TRIM39: variants seen among roughly 807,000 people sequenced by gnomAD.
TRIM39 encodes E3 ubiquitin-protein ligase TRIM39.
In TRIM39, 5 loss-of-function variants were observed where a neutral mutation model predicts 53.6. That is an observed-to-expected ratio of 0.09 (90% confidence interval 0.05 to 0.20). The LOEUF (loss-of-function observed/expected upper bound fraction) is 0.20, where lower values mean the gene tolerates loss of function less well. TRIM39 is among the 10% of genes least tolerant of loss of function. TRIM39 has a pLI of 1.00. For missense variants in TRIM39, 310 were observed against 621.0 expected (o/e 0.50, Z 5.32); for synonymous variants, 196 against 237.6 (o/e 0.82, Z 1.61).
chr6:30,331,748 C>G (rs1232881253), intron 4 of TRIM39, among the ~76,000 whole-genome samples: 1 of 152,222 alleles, frequency 6.6e-6, no homozygotes, highest in Admixed American at 6.5e-5. Context: ...CCTATGCAGC[C>G]TTTCCTGACC....
At position 30,335,676 on chromosome 6, in the gene TRIM39, G is replaced by T; in HGVS notation, c.550-69G>T. ...AAGTCTGTGTTAATTCATACATATG[G>T]TGGGTGAGAGAAAGGCTTCCTTATA... On this transcript the variant is annotated intron_variant, in intron 4 of 7. Transcript: ENST00000396551. The surrounding 1 kb of genome is among the most constrained non-coding windows in gnomAD (Gnocchi z 4.7). 1 of 1,531,514 alleles carries T rather than the reference G, an allele frequency of 6.5e-7. No homozygotes were observed. Among genetic ancestry groups the T allele is most frequent in the Non-Finnish European group, 8.8e-7 (1 of 1,136,170 alleles). 94.9% of individuals were successfully genotyped at this position (1,531,514 alleles called of 1,614,324 possible). A position where few individuals can be genotyped will look rare whatever the true frequency, so the allele number is the denominator to read the frequency against.
chr6:30,340,763 T>A, intron 7 of TRIM39, 143 bp downstream of exon 7: 1 of 827,218 alleles, frequency 1.2e-6, no homozygotes. Flanking sequence ...GCTTTTAGTC[T>A]CACCCTGAGT....
At chr6:30,341,968 A>G in exon 8 of TRIM39, 2 of 1,612,754 alleles carry the variant, frequency 1.2e-6, no homozygotes, top group Non-Finnish European at 1.7e-6. Context: ...AGTTGACTCC[A>G]CTCCCTGAGA....
rs773999268 is a variant in TRIM39, at chr6:30,342,132, G to A, written c.1340G>A (p.Arg447His). Residue 447 changes from arginine (R) to histidine (H), a missense_variant, in exon 8 of 8, where the codon CGC (arginine) becomes CAC (histidine). Around this residue, in one of 5 missense-constraint regions of TRIM39, gnomAD observed 75 missense variants for 244.8 expected, o/e 0.31. Coordinates refer to ENST00000396551, the Ensembl canonical transcript of TRIM39. The surrounding 1 kb of genome is among the most constrained non-coding windows in gnomAD (Gnocchi z 4.7). ...CTGTCTTTCTACAATGTCACAGACC[G>A]CTCTCATATCTACACCTTCACTGAT... 40 of 1,612,528 alleles carry A rather than the reference G, an allele frequency of 2.5e-5. No individual in the cohort carries two copies. Among genetic ancestry groups the A allele is most frequent in the Non-Finnish European group, 3.0e-5 (35 of 1,179,932 alleles).
chr6:30,337,409 A>C (rs554347765), intron 5 of TRIM39, among the ~76,000 whole-genome samples: 8 of 151,992 alleles, frequency 5.3e-5, no homozygotes, highest in East Asian at 3.9e-4. Context: ...CCATCCCCCC[A>C]AAAAAAACTT....
intron 6 of TRIM39, chr6:30,340,198 G>T: frequency 7.5e-7 from 1 of 1,337,190 alleles, no homozygotes; most frequent in Admixed American, 1.7e-5. Context: ...GGGTGGAATT[G>T]TGTCCAAACA....
In TRIM39 at chr6:30,335,666, C is replaced by A; in HGVS notation, c.550-79C>A. 6.7e-7 allele frequency: 1 copy of A among 1,493,152 alleles called. No individual in the cohort carries two copies. The highest frequency in any genetic ancestry group is 1.3e-5 in the South Asian group (1 of 76,438). 92.5% of individuals were successfully genotyped at this position (1,493,152 alleles called of 1,614,324 possible). A position where few individuals can be genotyped will look rare whatever the true frequency, so the allele number is the denominator to read the frequency against. ...ATGAAACTGGAAGTCTGTGTTAATT[C>A]ATACATATGGTGGGTGAGAGAAAGG... On this transcript the variant is annotated intron_variant, in intron 4 of 7. Coordinates refer to ENST00000396551, the Ensembl canonical transcript of TRIM39. This position sits in a 1 kb window ranked among gnomAD's most constrained non-coding sequence, Gnocchi z 4.7.
chr6:30,329,844 A>G (rs1385946282), intron 3 of TRIM39, 74 bp downstream of exon 3: 5 of 1,525,248 alleles, frequency 3.3e-6, no homozygotes, highest in Non-Finnish European at 4.4e-6. Flanking sequence ...CTCCCTAGGT[A>G]GAGATCGTAA....
intron 6 of TRIM39, chr6:30,340,142 T>A: frequency 9.3e-7 from 1 of 1,077,212 alleles, no homozygotes; most frequent in East Asian, 2.5e-5. Context: ...CAGGACTTCT[T>A]GAGAAGGAGA....
chr6:30,331,051 C>A (rs1403241872), intron 4 of TRIM39, among the ~76,000 whole-genome samples, 175 bp downstream of exon 4: 1 of 152,200 alleles, frequency 6.6e-6, no homozygotes, highest in African/African-American at 2.4e-5. Flanking sequence ...GGGCAGATTG[C>A]TTGAGCTCAG....
intron 3 of TRIM39, 119 bp downstream of exon 3, chr6:30,329,889 A>G: frequency 7.3e-7 from 1 of 1,372,076 alleles, no homozygotes; most frequent in Non-Finnish European, 9.7e-7. Flanking sequence ...TCAGAGCTGC[A>G]TATGCAGGGG....
chr6:30,339,217 C>T lies in TRIM39; in HGVS notation c.781-691C>T, dbSNP rs112281825. On this transcript the variant is annotated intron_variant, in intron 5 of 7. Transcript: ENST00000396551. This position sits in a 1 kb window ranked among gnomAD's most constrained non-coding sequence, Gnocchi z 4.2. Reference sequence around the variant, plus strand: ...CAGGCTGGAGTGCAGTGCATGATCTCGGCTCACTGCAACCTTTGCCTCCTG... The same window carrying T: ...CAGGCTGGAGTGCAGTGCATGATCTTGGCTCACTGCAACCTTTGCCTCCTG... Among the ~76,000 whole-genome samples, 1 of 151,630 alleles carries T rather than the reference C, an allele frequency of 6.6e-6. No individual in the cohort carries two copies. Among genetic ancestry groups the T allele is most frequent in the Admixed American group, 6.6e-5 (1 of 15,204 alleles).
At chr6:30,328,952 C>G in exon 2 of TRIM39, 1 of 232,690 alleles carries the variant, frequency 4.3e-6, no homozygotes, top group Admixed American at 5.1e-5. Flanking sequence ...ACTATTGGTT[C>G]TAAGATATAA....
rs1355378952 is a variant in TRIM39, at chr6:30,338,949, T to G, written c.781-959T>G. On this transcript the variant is annotated intron_variant, in intron 5 of 7. Transcript: ENST00000396551. This position sits in a 1 kb window ranked among gnomAD's most constrained non-coding sequence, Gnocchi z 4.0. ...ATCTTAGAGATTAGATTACCAGCAT[T>G]TGAAGCAGTGAGGCTTCATTGTACA... 1.3e-5 allele frequency among the ~76,000 whole-genome samples: 2 copies of G among 152,190 alleles called. No homozygotes were observed. Among genetic ancestry groups the G allele is most frequent in the Non-Finnish European group, 2.9e-5 (2 of 68,032 alleles).
chr6:30,334,558 T>C (rs1253943242), intron 4 of TRIM39, among the ~76,000 whole-genome samples: 1 of 152,248 alleles, frequency 6.6e-6, no homozygotes, highest in Non-Finnish European at 1.5e-5. Context: ...TGAAACAATT[T>C]AACAAGTTCA....
intron 5 of TRIM39, 123 bp downstream of exon 5, chr6:30,336,098 C>A (rs768945016): frequency 3.5e-6 from 5 of 1,414,690 alleles, no homozygotes; most frequent in Non-Finnish European, 3.9e-6. Context: ...GTTCTTTCTG[C>A]CAGGTGTACT....
chr6:30,334,045 A>C (rs980588915), intron 4 of TRIM39, among the ~76,000 whole-genome samples: 10 of 152,172 alleles, frequency 6.6e-5, no homozygotes, highest in Non-Finnish European at 7.3e-5. Context: ...CAAATGTGAG[A>C]ATATATTTTG....
intron 5 of TRIM39, among the ~76,000 whole-genome samples, chr6:30,336,963 T>C (rs1045888289): frequency 1.3e-5 from 2 of 152,238 alleles, no homozygotes; most frequent in African/African-American, 2.4e-5. Context: ...GGGCTGCCGA[T>C]TGGATGTTGT....
Position 30,335,717 on chromosome 6 carries a change from T to C in TRIM39, c.550-28T>C. On this transcript the variant is annotated intron_variant, in intron 4 of 7. Coordinates refer to ENST00000396551, the Ensembl canonical transcript of TRIM39. The surrounding 1 kb of genome is among the most constrained non-coding windows in gnomAD (Gnocchi z 4.7). ...CTTCCTTATACCACACTGACCCTGCTGATACAACATCTTCCCTCTCTTCTC... is the reference window on the plus strand; with the variant it reads ...CTTCCTTATACCACACTGACCCTGCCGATACAACATCTTCCCTCTCTTCTC... The C allele has an allele frequency of 6.2e-7, 1 of 1,609,246 alleles. No homozygotes were observed. Among genetic ancestry groups the C allele is most frequent in the East Asian group, 2.2e-5 (1 of 44,850 alleles).
Sources: gnomAD v4.1 joint callset for allele counts (sites outside exome capture counted in the v4.1 genomes callset) on GRCh38, gnomAD v4.1.1 for gene constraint, gnomAD v4.1.1 regional missense constraint, Gnocchi (gnomAD v3.1) non-coding constraint, MANE v1.5 for transcripts, NCBI Gene and HGNC (gene_info 2026-07-23, HGNC 2026-07-21) for gene names.